ATXN7L1: variants seen among roughly 807,000 people sequenced by gnomAD.
ATXN7L1 encodes ataxin-7-like protein 1.
A neutral mutation model predicts 70.8 loss-of-function variants in ATXN7L1; 15 were observed. The observed-to-expected ratio is 0.21, with a 90% CI of 0.14 to 0.33. The LOEUF (loss-of-function observed/expected upper bound fraction) is 0.33, where lower values mean the gene tolerates loss of function less well. Among genes scored for constraint, ATXN7L1 ranks in the 10% least tolerant of loss-of-function variants. The pLI is 1.00. For missense variants in ATXN7L1, 975 were observed against 1,097.1 expected (o/e 0.89, Z 1.57); for synonymous variants, 440 against 445.1 (o/e 0.99, Z 0.14).
chr7:105,744,796 G>A (rs1025212626), intron 3 of ATXN7L1, among the ~76,000 whole-genome samples: 13 of 143,974 alleles, frequency 9.0e-5, no homozygotes, highest in African/African-American at 3.4e-4. Context: ...GGAGTGCAGT[G>A]GCACAATCTC....
intron 3 of ATXN7L1, among the ~76,000 whole-genome samples, chr7:105,733,533 T>TCCAC (rs1796842964): frequency 9.6e-6 from 1 of 104,132 alleles, no homozygotes; most frequent in African/African-American, 4.7e-5. Flanking sequence ...CATCCATCCA[T>TCCAC]CCATCCACCC....
intron 6 of ATXN7L1, 118 bp downstream of exon 6, chr7:105,639,369 G>A: frequency 1.5e-6 from 1 of 670,358 alleles, no homozygotes. Flanking sequence ...CCCTTACAAA[G>A]AACAGCTGGG....
At chr7:105,857,917 G>C (rs181738299) in intron 2 of ATXN7L1, among the ~76,000 whole-genome samples, 56 of 151,998 alleles carry the variant, frequency 3.7e-4, no homozygotes, top group African/African-American at 1.2e-3. Context: ...TCACCTTCAA[G>C]ATTAGGCTAC....
rs148272480 is a variant in ATXN7L1, at chr7:105,801,676, G to A, written c.251-12968C>T. On this transcript the variant is annotated intron_variant, in intron 2 of 11. Coordinates refer to ENST00000419735, the MANE Select transcript of ATXN7L1 (RefSeq NM_020725.2). ...CCCTCTGAATCACCTCTACTTGTGA[G>A]CTCTTTGGATATATGCGTTGGAGGC... Among the ~76,000 whole-genome samples, 233 of 152,290 alleles carry A rather than the reference G, an allele frequency of 1.5e-3. 2 individuals carry two copies. The highest frequency in any genetic ancestry group is 6.8e-3 in the Middle Eastern group (2 of 294).
At chr7:105,868,602 A>G (rs887307562) in intron 2 of ATXN7L1, among the ~76,000 whole-genome samples, 10 of 152,160 alleles carry the variant, frequency 6.6e-5, no homozygotes, top group African/African-American at 2.4e-4. Flanking sequence ...CGTGAGAACA[A>G]GAAGACAAAA....
At chr7:105,825,792 A>G (rs1810788745) in intron 2 of ATXN7L1, among the ~76,000 whole-genome samples, 3 of 152,184 alleles carry the variant, frequency 2.0e-5, no homozygotes, top group South Asian at 4.1e-4. Context: ...TGAAACCCAG[A>G]AACCAAATAA....
chr7:105,838,683 A>C (rs1190391813), intron 2 of ATXN7L1, among the ~76,000 whole-genome samples: 1 of 152,054 alleles, frequency 6.6e-6, no homozygotes, highest in Non-Finnish European at 1.5e-5. Context: ...GGCAAACATC[A>C]TCTTCCCTGA....
At chr7:105,717,483 A>G (rs1028548519) in intron 3 of ATXN7L1, among the ~76,000 whole-genome samples, 2 of 152,172 alleles carry the variant, frequency 1.3e-5, no homozygotes, top group Non-Finnish European at 1.5e-5. Flanking sequence ...ATTGTTTGTT[A>G]TTCATATTGG....
At chr7:105,636,831 G>A (rs560123733) in intron 7 of ATXN7L1, among the ~76,000 whole-genome samples, 3 of 152,282 alleles carry the variant, frequency 2.0e-5, no homozygotes, top group African/African-American at 7.2e-5. Flanking sequence ...GAGCTTAGCC[G>A]GCTTCAGGTG....
intron 2 of ATXN7L1, chr7:105,819,996 G>C (rs1029306573): frequency 8.6e-6 from 4 of 464,430 alleles, no homozygotes; most frequent in African/African-American, 6.0e-5. Flanking sequence ...TCCACTATCG[G>C]AAGAAGAAAC....
At chr7:105,750,631 G>T (rs575098593) in intron 3 of ATXN7L1, among the ~76,000 whole-genome samples, 1 of 152,116 alleles carries the variant, frequency 6.6e-6, no homozygotes, top group East Asian at 1.9e-4. Context: ...GTGAAACCCC[G>T]TCTCTACTAA....
intron 3 of ATXN7L1, among the ~76,000 whole-genome samples, chr7:105,679,933 A>G (rs1220795454): frequency 6.6e-6 from 1 of 152,138 alleles, no homozygotes; most frequent in Non-Finnish European, 1.5e-5. Flanking sequence ...ATTAAAAAAA[A>G]AACAGTGGCA....
intron 2 of ATXN7L1, among the ~76,000 whole-genome samples, chr7:105,807,591 A>G (rs527433021): frequency 1.3e-5 from 2 of 152,368 alleles, no homozygotes; most frequent in South Asian, 2.1e-4. Context: ...ACTTTGGCCA[A>G]CAGACCATTA....
intron 10 of ATXN7L1, among the ~76,000 whole-genome samples, chr7:105,611,082 G>A (rs1269411438): frequency 1.3e-5 from 2 of 152,230 alleles, no homozygotes; most frequent in African/African-American, 2.4e-5. Flanking sequence ...CAGTTTTCCC[G>A]GCTAGGAGAT....
At chr7:105,860,842 T>C (rs1042572948) in intron 2 of ATXN7L1, among the ~76,000 whole-genome samples, 8 of 152,234 alleles carry the variant, frequency 5.3e-5, no homozygotes, top group South Asian at 2.1e-4. Flanking sequence ...GAAAAGGGGA[T>C]GATATGATCG....
intron 3 of ATXN7L1, among the ~76,000 whole-genome samples, chr7:105,758,090 A>C (rs2116403800): frequency 6.6e-6 from 1 of 151,858 alleles, no homozygotes; most frequent in Admixed American, 6.6e-5. Flanking sequence ...CTACTCCAAA[A>C]CCCCTCATGG....
intron 7 of ATXN7L1, among the ~76,000 whole-genome samples, chr7:105,632,675 C>G (rs894128153): frequency 6.6e-6 from 1 of 152,018 alleles, no homozygotes; most frequent in African/African-American, 2.4e-5. Context: ...GTAATCCCAG[C>G]ACTTTGGGAG....
rs1802878082 is a variant in ATXN7L1, at chr7:105,777,364, T to C, written c.355+11240A>G. Among the ~76,000 whole-genome samples the C allele has an allele frequency of 2.0e-5, 3 of 152,224 alleles. No homozygotes were observed. The South Asian group carries it at 6.2e-4, about 31-fold the overall frequency. On this transcript the variant is annotated intron_variant, in intron 3 of 11. Coordinates refer to ENST00000419735, the MANE Select transcript of ATXN7L1 (RefSeq NM_020725.2). ...ACAAATAAAATCACCTATTGTCAAT[T>C]GGCTATTGTCAAGGCCAACAACCCT... is the stretch of plus-strand genomic sequence containing the variant.
intron 3 of ATXN7L1, among the ~76,000 whole-genome samples, chr7:105,689,636 C>A (rs1274925007): frequency 6.6e-6 from 1 of 152,186 alleles, no homozygotes; most frequent in Non-Finnish European, 1.5e-5. Flanking sequence ...CCTCCCGGTC[C>A]CAACCAGACA....
Sources: allele counts gnomAD v4.1 joint callset (sites outside exome capture counted in the v4.1 genomes callset), GRCh38; gene constraint gnomAD v4.1.1; transcripts MANE v1.5; gene names NCBI Gene and HGNC (gene_info 2026-07-23, HGNC 2026-07-21).